CEP112: variants seen among roughly 807,000 people sequenced by gnomAD.
CEP112 encodes centrosomal protein of 112 kDa.
In CEP112, 127 loss-of-function variants were observed where a neutral mutation model predicts 153.0. That is an observed-to-expected ratio of 0.83 (90% CI 0.72 to 0.96). The LOEUF (loss-of-function observed/expected upper bound fraction) is 0.96. Among genes scored for constraint, CEP112 ranks in the 40% least tolerant of loss-of-function variants. The probability of loss-of-function intolerance (pLI) is 0.00; values close to 1 mark genes in which losing one functional copy is unlikely to be tolerated. For synonymous variants in CEP112, 358 were observed against 374.4 expected (o/e 0.96, Z 0.51); for missense variants, 1,089 against 1,101.2 (o/e 0.99, Z 0.16).
At chr17:65,913,689 T>A (rs954348207) in intron 19 of CEP112, 155 of 985,290 alleles carry the variant, frequency 1.6e-4, no homozygotes, top group Non-Finnish European at 1.8e-4. Context: ...CCTGCCAGCA[T>A]ACACTGCTTC....
chr17:66,149,603 T>C (rs1052683167), intron 4 of CEP112, among the ~76,000 whole-genome samples: 1 of 152,138 alleles, frequency 6.6e-6, no homozygotes, highest in Non-Finnish European at 1.5e-5. Flanking sequence ...GGTTATCAAA[T>C]ATATTGACAT....
At chr17:65,955,545 G>T (rs561798721) in intron 18 of CEP112, among the ~76,000 whole-genome samples, 2 of 152,128 alleles carry the variant, frequency 1.3e-5, no homozygotes, top group South Asian at 4.2e-4. Flanking sequence ...CCACCTAAAA[G>T]ATACAGAATG....
At chr17:65,657,262 C>A (rs182448634) in intron 24 of CEP112, among the ~76,000 whole-genome samples, 192 of 152,310 alleles carry the variant, frequency 1.3e-3, no homozygotes, top group Admixed American at 1.4e-3. Flanking sequence ...ATTTTGGTCT[C>A]ATTTCTAATG....
At chr17:65,953,314 G>T (rs112099932) in intron 18 of CEP112, among the ~76,000 whole-genome samples, 6 of 152,336 alleles carry the variant, frequency 3.9e-5, no homozygotes, top group African/African-American at 1.4e-4. Context: ...TTGAAATACA[G>T]ATTAAGATGG....
intron 24 of CEP112, among the ~76,000 whole-genome samples, chr17:65,669,464 T>C (rs77499346): frequency 0.015 from 2,332 of 152,016 alleles, 44 homozygotes; most frequent in African/African-American, 0.053. Flanking sequence ...CTGAAGACAA[T>C]GGGGATAGAT....
At chr17:66,136,026 G>A (rs1430875578) in intron 4 of CEP112, among the ~76,000 whole-genome samples, 1 of 152,098 alleles carries the variant, frequency 6.6e-6, no homozygotes, top group Non-Finnish European at 1.5e-5. Context: ...GAGACATCCA[G>A]AGACCAGATG....
chr17:66,127,268 T>C (rs967941795), intron 6 of CEP112, among the ~76,000 whole-genome samples: 3 of 152,232 alleles, frequency 2.0e-5, no homozygotes, highest in African/African-American at 7.2e-5. Context: ...ATGTATATCA[T>C]GTTTCAAGTG....
Position 66,102,527 on chromosome 17 carries a change from G to A in CEP112, c.643-5895C>T, listed in dbSNP as rs191045669. On this transcript the variant is annotated intron_variant, in intron 6 of 26. Coordinates refer to ENST00000535342, the MANE Select transcript of CEP112 (RefSeq NM_001199165.4). ...TAAAGAAAAATTCAGGCCAGGCATG[G>A]TGGCTCACGCCTGTAATCCCAGAAC... Among the ~76,000 whole-genome samples, 57 of 152,182 alleles carry A rather than the reference G, an allele frequency of 3.7e-4. 1 individual carries two copies. In the East Asian group the frequency reaches 0.01, roughly 27 times the overall value.
intron 23 of CEP112, among the ~76,000 whole-genome samples, chr17:65,735,544 AATGT>A (rs77196764): frequency 0.41 from 62,134 of 152,130 alleles, 14,443 homozygotes; most frequent in South Asian, 0.61. Context: ...TTAAGGTGAA[AATGT>A]ACTTAATATC....
intron 18 of CEP112, among the ~76,000 whole-genome samples, chr17:65,936,395 G>A (rs772230064): frequency 6.6e-6 from 1 of 152,132 alleles, no homozygotes; most frequent in Non-Finnish European, 1.5e-5. Context: ...AACTGAAGTA[G>A]AGGGAATATT....
At chr17:65,852,416 CCCTT>C (rs370176174) in intron 20 of CEP112, among the ~76,000 whole-genome samples, 7,138 of 20,414 alleles carry the variant, frequency 0.35, 1,491 homozygotes, top group East Asian at 0.67. Context: ...CTCCCTCCCT[CCCTT>C]CCTTCCTTCC....
chr17:66,140,655 C>T (rs1457528889), intron 4 of CEP112, among the ~76,000 whole-genome samples: 1 of 151,854 alleles, frequency 6.6e-6, no homozygotes, highest in East Asian at 1.9e-4. Context: ...GAGAGCAGTC[C>T]CATTTACTGT....
chr17:66,045,595 A>T (rs1331984958), intron 12 of CEP112, among the ~76,000 whole-genome samples: 1 of 152,246 alleles, frequency 6.6e-6, no homozygotes, highest in Non-Finnish European at 1.5e-5. Flanking sequence ...TTTTTAAATG[A>T]AATTAAACAA....
intron 25 of CEP112, among the ~76,000 whole-genome samples, chr17:65,639,505 G>A (rs1313610878): frequency 2.0e-5 from 3 of 151,678 alleles, no homozygotes; most frequent in South Asian, 2.1e-4. Flanking sequence ...GCGAAACCCT[G>A]TCTCTACAAA....
chr17:65,835,282 A>G (rs2057259009), intron 21 of CEP112, among the ~76,000 whole-genome samples: 1 of 152,098 alleles, frequency 6.6e-6, no homozygotes, highest in East Asian at 1.9e-4. Flanking sequence ...AAAGGCCCAC[A>G]AAGCATATTT....
At chr17:65,750,880 C>A (rs1271654369) in intron 21 of CEP112, 156 bp from the exon 22 acceptor site, 7 of 512,786 alleles carry the variant, frequency 1.4e-5, no homozygotes, top group East Asian at 3.2e-5. Flanking sequence ...GTTACGCCAA[C>A]TATTCATCAC....
chr17:65,956,618 C>A (rs1365003288), intron 18 of CEP112, among the ~76,000 whole-genome samples: 1 of 150,640 alleles, frequency 6.6e-6, no homozygotes, highest in African/African-American at 2.4e-5. Flanking sequence ...TCTGGGGACT[C>A]AGGGGGAAGA....
At chr17:66,176,542 G>C in intron 3 of CEP112, 1 of 223,878 alleles carries the variant, frequency 4.5e-6, no homozygotes, top group East Asian at 9.5e-5. Context: ...TTACAATCCA[G>C]TGAAAATTAG....
intron 21 of CEP112, among the ~76,000 whole-genome samples, chr17:65,793,229 A>G (rs1239508127): frequency 6.6e-6 from 1 of 152,194 alleles, no homozygotes; most frequent in Non-Finnish European, 1.5e-5. Context: ...TTACCCATTC[A>G]TTTATTCAGA....
Sources: allele counts gnomAD v4.1 joint callset (sites outside exome capture counted in the v4.1 genomes callset), GRCh38; gene constraint gnomAD v4.1.1; transcripts MANE v1.5; gene names NCBI Gene and HGNC (gene_info 2026-07-23, HGNC 2026-07-21).